The following ADGRB3 variants were observed in gnomAD, a reference collection of about 807,000 sequenced individuals.
The protein encoded by ADGRB3 is adhesion G protein-coupled receptor B3.
A neutral mutation model predicts 193.4 loss-of-function variants in ADGRB3; 37 were observed. That is an observed-to-expected ratio of 0.19 (90% confidence interval 0.15 to 0.25). The LOEUF (loss-of-function observed/expected upper bound fraction) is 0.25. Ranked by LOEUF, ADGRB3 falls within the 10% of genes least tolerant of loss-of-function variation. The pLI, the probability that ADGRB3 is intolerant of heterozygous loss-of-function variation, is 1.00. For missense variants in ADGRB3, 1,637 were observed against 1,852.9 expected, an observed-to-expected ratio of 0.88 and a Z score of 2.14; for synonymous variants, 690 against 644.2, an observed-to-expected ratio of 1.07 and a Z score of -1.08.
intron 17 of ADGRB3, among the ~76,000 whole-genome samples, chr6:69,197,484 C>A (rs1388980723): frequency 6.6e-6 from 1 of 151,752 alleles, no homozygotes; most frequent in Non-Finnish European, 1.5e-5. Context: ...AATATTCACT[C>A]ATTTTTGGAC....
intron 3 of ADGRB3, among the ~76,000 whole-genome samples, chr6:68,921,514 C>G (rs1315799993): frequency 6.6e-6 from 1 of 152,128 alleles, no homozygotes; most frequent in Non-Finnish European, 1.5e-5. Context: ...AAACACTAAA[C>G]ACTTCGGTGG....
At chr6:69,119,140 G>T (rs957169814) in intron 17 of ADGRB3, among the ~76,000 whole-genome samples, 1 of 152,168 alleles carries the variant, frequency 6.6e-6, no homozygotes, top group African/African-American at 2.4e-5. Context: ...TTACATAGAA[G>T]TCAGAAACTA....
chr6:68,782,141 T>G (rs1194068860), intron 3 of ADGRB3, among the ~76,000 whole-genome samples: 3 of 106,884 alleles, frequency 2.8e-5, no homozygotes, highest in African/African-American at 7.5e-5. Flanking sequence ...CCCACAACAG[T>G]CCCTGGTGTG....
At chr6:69,325,974 C>CGGGTGGACTACCTGAGCGT (rs576134222) in intron 21 of ADGRB3, among the ~76,000 whole-genome samples, 1 of 152,066 alleles carries the variant, frequency 6.6e-6, no homozygotes, top group Admixed American at 6.6e-5. Flanking sequence ...GAAACCAAGG[C>CGGGTGGACTACCTGAGCGT]GGGTGGACTA....
chr6:68,993,378 T>A (rs1294928890), intron 10 of ADGRB3, among the ~76,000 whole-genome samples: 2 of 152,174 alleles, frequency 1.3e-5, no homozygotes, highest in African/African-American at 2.4e-5. Flanking sequence ...AAAATGGCTA[T>A]TTTTGAAGTG....
intron 3 of ADGRB3, among the ~76,000 whole-genome samples, chr6:68,788,102 C>A (rs1050113091): frequency 6.6e-6 from 1 of 152,122 alleles, no homozygotes; most frequent in African/African-American, 2.4e-5. Context: ...TTTCAAAAAA[C>A]CAGCTCCTGG....
chr6:69,136,838 G>A (rs188381294), intron 17 of ADGRB3, among the ~76,000 whole-genome samples: 12 of 151,682 alleles, frequency 7.9e-5, no homozygotes, highest in Admixed American at 7.9e-4. Context: ...ACTTTGAATA[G>A]CGCCCCACTT....
At chr6:68,677,981 TG>T (rs1237828726) in intron 3 of ADGRB3, among the ~76,000 whole-genome samples, 2 of 152,188 alleles carry the variant, frequency 1.3e-5, no homozygotes, top group Non-Finnish European at 2.9e-5. Flanking sequence ...GATATCACCC[TG>T]TAAAAATAAC....
intron 3 of ADGRB3, among the ~76,000 whole-genome samples, chr6:68,658,809 A>G (rs1315621277): frequency 6.6e-6 from 1 of 151,150 alleles, no homozygotes; most frequent in Non-Finnish European, 1.5e-5. Context: ...ATATTAACAC[A>G]ACGAGCTGCT....
chr6:69,255,640 C>T (rs1452159918), intron 20 of ADGRB3, among the ~76,000 whole-genome samples: 1 of 152,066 alleles, frequency 6.6e-6, no homozygotes, highest in African/African-American at 2.4e-5. Context: ...AATTTTCTCC[C>T]ATTTTGTGGG....
At chr6:68,897,836 AAGAG>A (rs1216064404) in intron 3 of ADGRB3, among the ~76,000 whole-genome samples, 1 of 148,920 alleles carries the variant, frequency 6.7e-6, no homozygotes, top group Admixed American at 6.7e-5. Flanking sequence ...AGGAGAGAAA[AAGAG>A]AAAGAAAGAA....
chr6:69,327,941 AG>A (rs1768614666), intron 22 of ADGRB3, 52 bp downstream of exon 22: 1 of 1,519,144 alleles, frequency 6.6e-7, no homozygotes, highest in African/African-American at 1.4e-5. Context: ...AAATCATCAA[AG>A]AGTCTTGGTT....
At chr6:68,848,622 T>C (rs1275661505) in intron 3 of ADGRB3, among the ~76,000 whole-genome samples, 1 of 152,064 alleles carries the variant, frequency 6.6e-6, no homozygotes, top group East Asian at 1.9e-4. Flanking sequence ...CATAATTCTA[T>C]TTAAATATGT....
Position 68,758,218 on chromosome 6 carries a change from A to G in ADGRB3, c.757+118786A>G, listed in dbSNP as rs929922896. 2.6e-5 allele frequency among the ~76,000 whole-genome samples: 4 copies of G among 152,048 alleles called. No individual in the cohort carries two copies. In the South Asian group the frequency reaches 6.2e-4, roughly 24 times the overall value. ...AATGTTTAACACATTTTTGGTACAT[A>G]TGAAGAGCTCAATAAACAGCTATTT... is the stretch of plus-strand genomic sequence containing the variant. On this transcript the variant is annotated intron_variant, in intron 3 of 31. Coordinates refer to ENST00000370598, the MANE Select transcript of ADGRB3 (RefSeq NM_001704.3).
intron 13 of ADGRB3, among the ~76,000 whole-genome samples, 160 bp downstream of exon 13, chr6:69,018,659 A>G (rs1202265479): frequency 1.3e-5 from 2 of 152,050 alleles, no homozygotes; most frequent in Non-Finnish European, 2.9e-5. Context: ...AGATGGGCCT[A>G]AACACATTGC....
chr6:68,866,613 G>C (rs1298673100), intron 3 of ADGRB3, among the ~76,000 whole-genome samples: 1 of 152,188 alleles, frequency 6.6e-6, no homozygotes, highest in Non-Finnish European at 1.5e-5. Context: ...GAAGAAGAAA[G>C]GAAGATGAGT....
intron 3 of ADGRB3, among the ~76,000 whole-genome samples, chr6:68,754,930 G>A (rs547251906): frequency 1.4e-4 from 22 of 152,242 alleles, no homozygotes; most frequent in African/African-American, 5.1e-4. Context: ...ACTGTTGTTA[G>A]AGGAATACTA....
At chr6:69,109,596 G>C (rs2150325043) in intron 17 of ADGRB3, among the ~76,000 whole-genome samples, 1 of 152,226 alleles carries the variant, frequency 6.6e-6, no homozygotes, top group African/African-American at 2.4e-5. Flanking sequence ...TAGCTTTATA[G>C]GAGTTAAGGT....
chr6:69,246,455 GAGCATAATGGTTGGCT>G (rs1406213286), intron 20 of ADGRB3, among the ~76,000 whole-genome samples: 13 of 152,114 alleles, frequency 8.5e-5, no homozygotes, highest in African/African-American at 2.7e-4. Flanking sequence ...TCAAACCAAG[GAGCATAATGGTTGGCT>G]AGCTTCTTGA....
Sources: gnomAD v4.1 joint callset for allele counts (sites outside exome capture counted in the v4.1 genomes callset) on GRCh38, gnomAD v4.1.1 for gene constraint, MANE v1.5 for transcripts, NCBI Gene and HGNC (gene_info 2026-07-23, HGNC 2026-07-21) for gene names.